RGPD3: variants seen among roughly 807,000 people sequenced by gnomAD.
RGPD3 encodes ranBP2-like and GRIP domain-containing protein 3.
Under a neutral mutation model 154.5 loss-of-function variants are expected in RGPD3, and 62 were observed. The observed-to-expected ratio is 0.40, with a 90% CI of 0.33 to 0.50. The LOEUF (loss-of-function observed/expected upper bound fraction) is 0.50, where lower values mean the gene tolerates loss of function less well. Ranked by LOEUF, RGPD3 falls within the 20% of genes least tolerant of loss-of-function variation. The pLI is 0.59. For missense variants in RGPD3, 919 were observed against 1,716.8 expected (o/e 0.54, Z 8.21); for synonymous variants, 308 against 607.0 (o/e 0.51, Z 7.24).
intron 20 of RGPD3, among the ~76,000 whole-genome samples, chr2:106,422,640 C>T (rs2104454929): frequency 6.7e-6 from 1 of 149,994 alleles, no homozygotes; most frequent in South Asian, 2.1e-4. Context: ...CCTCAACCTC[C>T]CAAAGTGCTG....
At chr2:106,431,608 T>C (rs1240728510) in intron 17 of RGPD3, among the ~76,000 whole-genome samples, 88 of 150,288 alleles carry the variant, frequency 5.9e-4, no homozygotes, top group Admixed American at 2.1e-3. Context: ...TCATAGGCCA[T>C]GACTACACAG....
At chr2:106,418,197 C>G (rs183600978) in intron 20 of RGPD3, among the ~76,000 whole-genome samples, 1 of 144,964 alleles carries the variant, frequency 6.9e-6, no homozygotes, top group African/African-American at 2.5e-5. Context: ...TTAATAGCAG[C>G]TATAAATTAA....
chr2:106,425,158 T>G lies in RGPD3; in HGVS notation c.2809A>C (p.Ser937Arg). The G allele has an allele frequency of 6.2e-7, 1 of 1,611,932 alleles. No homozygotes were observed. Among genetic ancestry groups the G allele is most frequent in the Non-Finnish European group, 8.5e-7 (1 of 1,179,838 alleles). Residue 937 changes from serine to arginine, a missense_variant, in exon 20 of 23, where the codon AGT (serine) becomes CGT (arginine). Ser to Arg is a moderately radical substitution (Grantham distance 110). Coordinates refer to ENST00000409886, the MANE Select transcript of RGPD3 (RefSeq NM_001144013.2). ...GTATCATTTTCAAGAGGCTTTTCAC[T>G]TTTCTTTTCTTGATTTCCTGGTTCC... The part of the protein sequence containing the change: ...ISEPGNQEKK[S>R]EKPLENDTGL...
intron 22 of RGPD3, 183 bp downstream of exon 22, chr2:106,412,900 TG>T (rs1459179268): frequency 1.6e-6 from 1 of 634,770 alleles, no homozygotes; most frequent in African/African-American, 1.9e-5. Flanking sequence ...ATTATATAAA[TG>T]TACTACATTT....
intron 20 of RGPD3, among the ~76,000 whole-genome samples, chr2:106,418,576 A>T (rs886073495): frequency 5.3e-5 from 8 of 151,742 alleles, no homozygotes; most frequent in Non-Finnish European, 1.2e-4. Flanking sequence ...GTAAAGTGTT[A>T]TTTTTTCTGA....
chr2:106,436,542 C>T lies in RGPD3; in HGVS notation c.1506G>A (p.Glu502=). 2 of 1,611,712 alleles carry T rather than the reference C, an allele frequency of 1.2e-6. No homozygotes were observed. The highest frequency in any genetic ancestry group is 2.2e-5 in the South Asian group (2 of 90,932). ...AGGAGCTGTGGTGAGAATTACATTT[C>T]TCCTTTAATTGTAAGTGGCTGGTAT... ...VVYTSHLQLK[E]KCNSHHSSYQ... The change falls in exon 11 of 23, where the codon GAG becomes GAA. Residue 502 remains glutamate (E), a synonymous_variant. Coordinates refer to ENST00000409886, the MANE Select transcript of RGPD3 (RefSeq NM_001144013.2).
chr2:106,465,740 T>A (rs1678553370), intron 1 of RGPD3, among the ~76,000 whole-genome samples: 2 of 151,578 alleles, frequency 1.3e-5, no homozygotes, highest in Admixed American at 6.6e-5. Context: ...TTTTTTTTTT[T>A]AAGCAAAGTC....
At chr2:106,445,552 C>T (rs1369216394) in intron 7 of RGPD3, among the ~76,000 whole-genome samples, 409 of 150,176 alleles carry the variant, frequency 2.7e-3, no homozygotes, top group African/African-American at 8.3e-3. Context: ...GAGGCCGAGT[C>T]AGGTGGATCA....
At chr2:106,409,916 C>G (rs1283033260) in intron 22 of RGPD3, among the ~76,000 whole-genome samples, 1 of 124,722 alleles carries the variant, frequency 8.0e-6, no homozygotes, top group Non-Finnish European at 1.6e-5. Flanking sequence ...GATCTTGTTG[C>G]TCAGGCTGGA....
chr2:106,418,479 T>G (rs1329438714), intron 20 of RGPD3, among the ~76,000 whole-genome samples: 6 of 152,092 alleles, frequency 3.9e-5, no homozygotes, highest in African/African-American at 1.4e-4. Flanking sequence ...ACACCTACAG[T>G]GCTCATACAG....
rs780633933 is a variant in RGPD3 at position 106,415,846 on chromosome 2, T to C, written c.5064+4A>G. Reference sequence around the variant, plus strand: ...TTTATGGTGGCCAGGTTTTCTGATCTCACCTTAATTTGCTCCATAAGGACT... The same window carrying C: ...TTTATGGTGGCCAGGTTTTCTGATCCCACCTTAATTTGCTCCATAAGGACT... On this transcript the variant is annotated splice_donor_region_variant and intron_variant, in intron 21 of 22. Transcript: ENST00000409886. 1.2e-6 allele frequency: 2 copies of C among 1,611,842 alleles called. No individual in the cohort carries two copies. The highest frequency in any genetic ancestry group is 8.5e-7 in the Non-Finnish European group (1 of 1,179,834).
At chr2:106,459,037 C>A (rs1678323591) in intron 2 of RGPD3, among the ~76,000 whole-genome samples, 1 of 146,690 alleles carries the variant, frequency 6.8e-6, no homozygotes, top group South Asian at 2.2e-4. Context: ...TTAAGCCAAA[C>A]AATTTCTTGC....
At chr2:106,414,672 CTAGT>C (rs1304737566) in intron 21 of RGPD3, among the ~76,000 whole-genome samples, 5 of 149,924 alleles carry the variant, frequency 3.3e-5, no homozygotes, top group East Asian at 3.9e-4. Flanking sequence ...GTTTACTGGG[CTAGT>C]TAGTGATTTG....
intron 15 of RGPD3, 32 bp downstream of exon 15, chr2:106,434,196 T>C (rs748462731): frequency 6.3e-7 from 1 of 1,587,696 alleles, no homozygotes; most frequent in African/African-American, 1.4e-5. Flanking sequence ...GGGTTATCAG[T>C]AAGAACGTAC....
intron 7 of RGPD3, among the ~76,000 whole-genome samples, chr2:106,446,569 C>CAAAAAAA: frequency 4.9e-5 from 1 of 20,552 alleles, no homozygotes; most frequent in Non-Finnish European, 8.4e-5. Flanking sequence ...GACTCCATCT[C>CAAAAAAA]AAAAAAAAAA....
At chr2:106,446,838 C>G (rs1329723073) in intron 7 of RGPD3, among the ~76,000 whole-genome samples, 3 of 150,954 alleles carry the variant, frequency 2.0e-5, no homozygotes, top group South Asian at 4.2e-4. Flanking sequence ...GCCGAGATCA[C>G]GCCACTGCAC....
Position 106,468,412 on chromosome 2 carries a change from G to A in RGPD3, c.-124C>T. On this transcript the variant is annotated 5_prime_UTR_variant, in exon 1 of 23. Coordinates refer to ENST00000409886, the MANE Select transcript of RGPD3 (RefSeq NM_001144013.2). ...GCGGCGTAGCCGGCGGAGGACCACT[G>A]TGACGAACTTGTGTCCTGCGTCAAC... 6.6e-7 allele frequency: 1 copy of A among 1,522,788 alleles called. No individual in the cohort carries two copies. Among genetic ancestry groups the A allele is most frequent in the Non-Finnish European group, 8.8e-7 (1 of 1,130,916 alleles). The allele number at this position is 1,522,788 out of a possible 1,614,324, so 94.3% of individuals were successfully genotyped here.
At chr2:106,407,425 C>G (rs1676548887) in intron 22 of RGPD3, among the ~76,000 whole-genome samples, 1 of 152,054 alleles carries the variant, frequency 6.6e-6, no homozygotes, top group Admixed American at 6.5e-5. Context: ...CTTCCACAAT[C>G]TGAAGAACTT....
At chr2:106,409,146 G>C (rs1024762293) in intron 22 of RGPD3, among the ~76,000 whole-genome samples, 1 of 152,154 alleles carries the variant, frequency 6.6e-6, no homozygotes, top group African/African-American at 2.4e-5. Flanking sequence ...AGAGGTAAAA[G>C]GTACTTGTTT....
Sources: gnomAD v4.1 joint callset for allele counts (sites outside exome capture counted in the v4.1 genomes callset) on GRCh38, gnomAD v4.1.1 for gene constraint, MANE v1.5 for transcripts, NCBI Gene and HGNC (gene_info 2026-07-23, HGNC 2026-07-21) for gene names.